KCNIP4: variants seen among roughly 807,000 people sequenced by gnomAD.
KCNIP4 encodes Kv channel-interacting protein 4.
In KCNIP4, 12 loss-of-function variants were observed where a neutral mutation model predicts 34.0. That is an observed-to-expected ratio of 0.35 (90% CI 0.23 to 0.57). The LOEUF is 0.57. Among genes scored for constraint, KCNIP4 ranks in the 20% least tolerant of loss-of-function variants. The pLI, the probability that KCNIP4 is intolerant of heterozygous loss-of-function variation, is 0.83. For synonymous variants in KCNIP4, 124 were observed against 102.2 expected (o/e 1.21, Z -1.29); for missense variants, 238 against 311.7 (o/e 0.76, Z 1.78).
At chr4:21,074,234 C>G (rs1046637451) in intron 1 of KCNIP4, among the ~76,000 whole-genome samples, 2 of 152,118 alleles carry the variant, frequency 1.3e-5, no homozygotes, top group Non-Finnish European at 2.9e-5. Context: ...CCTTGTACCT[C>G]TGGTAGAAAT....
intron 1 of KCNIP4, among the ~76,000 whole-genome samples, chr4:21,782,045 AG>A (rs1719606318): frequency 9.1e-5 from 2 of 21,978 alleles, no homozygotes; most frequent in Non-Finnish European, 4.1e-4. Context: ...AATGAAAAGG[AG>A]AGAGAGAAAA....
chr4:21,939,159 T>C (rs1313747029), intron 1 of KCNIP4, among the ~76,000 whole-genome samples: 2 of 152,186 alleles, frequency 1.3e-5, no homozygotes, highest in African/African-American at 4.8e-5. Context: ...TTTTACAGTT[T>C]AATCTTCCCA....
At chr4:20,908,235 G>C (rs1178338689) in intron 1 of KCNIP4, among the ~76,000 whole-genome samples, 1 of 151,888 alleles carries the variant, frequency 6.6e-6, no homozygotes, top group Non-Finnish European at 1.5e-5. Context: ...GAGTAGCTGC[G>C]ATTACAGGTG....
At chr4:21,408,087 G>T (rs181755596) in intron 1 of KCNIP4, among the ~76,000 whole-genome samples, 1 of 152,116 alleles carries the variant, frequency 6.6e-6, no homozygotes, top group African/African-American at 2.4e-5. Flanking sequence ...AAACGAAGCC[G>T]GTAGACATTG....
rs71655634 is a variant in KCNIP4, at chr4:21,432,091, CATATATATATATATATATATATATATAT to C, written c.61+516452_61+516479del. Among the ~76,000 whole-genome samples, 93 of 36,416 alleles carry C rather than the reference CATATATATATATATATATATATATATAT, an allele frequency of 2.6e-3. 6 individuals carry two copies. The highest frequency in any genetic ancestry group is 5.7e-3 in the African/African-American group (77 of 13,586). 23.9% of individuals were successfully genotyped at this position (36,416 alleles called of 152,430 possible). ...TGTATTCAATGTGTGAAAATGGAAG[CATATATATATATATATATATATATATAT>C]ATATATATATATATATATACAATCT... is the stretch of plus-strand genomic sequence containing the variant. On this transcript the variant is annotated intron_variant, in intron 1 of 8. Transcript: ENST00000382152.
At chr4:21,740,494 A>G (rs2109127402) in intron 1 of KCNIP4, among the ~76,000 whole-genome samples, 1 of 152,212 alleles carries the variant, frequency 6.6e-6, no homozygotes, top group African/African-American at 2.4e-5. Context: ...TATATATAGA[A>G]TATTCAGTGG....
intron 1 of KCNIP4, among the ~76,000 whole-genome samples, chr4:21,013,032 G>A (rs562292069): frequency 3.9e-5 from 6 of 152,288 alleles, no homozygotes; most frequent in Admixed American, 6.5e-5. Flanking sequence ...TTCTCACTGC[G>A]AAGCTGAGAA....
Position 20,768,483 on chromosome 4 carries a change from G to A in KCNIP4, c.289-9593C>T, listed in dbSNP as rs1755608073. ...TAAAAAGCTCATTTAAAAATTATAG[G>A]ATTAACCTTTCAGTTTTCAAAGCAG... On this transcript the variant is annotated intron_variant, in intron 3 of 8. Transcript: ENST00000382152. Among the ~76,000 whole-genome samples, 3 of 152,124 alleles carry A rather than the reference G, an allele frequency of 2.0e-5. 1 individual carries two copies. In the South Asian group the frequency reaches 6.2e-4, roughly 32 times the overall value.
chr4:21,932,268 G>A (rs946370999), intron 1 of KCNIP4, among the ~76,000 whole-genome samples: 5 of 151,948 alleles, frequency 3.3e-5, no homozygotes, highest in East Asian at 1.9e-4. Context: ...TGAGAAACTC[G>A]GAAAACAGAA....
chr4:21,075,689 T>C (rs1745426255), intron 1 of KCNIP4, among the ~76,000 whole-genome samples: 1 of 152,212 alleles, frequency 6.6e-6, no homozygotes, highest in African/African-American at 2.4e-5. Flanking sequence ...ATTATGATGT[T>C]AGCTGGTTGT....
rs538298952 is a variant in KCNIP4 at position 21,399,695 on chromosome 4, C to G, written c.62-516986G>C. ...TTTTTGAGATGGAGTCTCACACTGT[C>G]GAACAGGCTGGAGTGCAGTGGCACG... is the stretch of plus-strand genomic sequence containing the variant. On this transcript the variant is annotated intron_variant, in intron 1 of 8. Coordinates refer to ENST00000382152, the MANE Select transcript of KCNIP4 (RefSeq NM_025221.6). Among the ~76,000 whole-genome samples the G allele has an allele frequency of 2.1e-4, 31 of 150,484 alleles. No individual in the cohort carries two copies. In the South Asian group the frequency reaches 6.5e-3, roughly 32 times the overall value.
intron 1 of KCNIP4, among the ~76,000 whole-genome samples, chr4:21,435,801 C>T (rs934038969): frequency 1.3e-5 from 2 of 152,112 alleles, no homozygotes; most frequent in Non-Finnish European, 2.9e-5. Flanking sequence ...TTGCAGGCAC[C>T]TTGTTATCAA....
chr4:21,484,767 T>C (rs1256083091), intron 1 of KCNIP4, among the ~76,000 whole-genome samples: 1 of 152,160 alleles, frequency 6.6e-6, no homozygotes, highest in Non-Finnish European at 1.5e-5. Context: ...ACCTCTTTCT[T>C]CTCCAATGGC....
chr4:21,259,518 C>T (rs1761309192), intron 1 of KCNIP4, among the ~76,000 whole-genome samples: 1 of 152,114 alleles, frequency 6.6e-6, no homozygotes. Context: ...CTTTGTTTTT[C>T]ACCAGCTTCT....
intron 1 of KCNIP4, among the ~76,000 whole-genome samples, chr4:21,204,990 A>G (rs938192149): frequency 6.6e-6 from 1 of 152,232 alleles, no homozygotes; most frequent in African/African-American, 2.4e-5. Flanking sequence ...GTTATTTTTA[A>G]AAGTTCCACT....
rs76056199 is a variant in KCNIP4 at position 20,941,127 on chromosome 4, G to A, written c.62-58418C>T. Reference sequence around the variant, plus strand: ...GAGTTGACATGCACCTACTGGATAGGAAAGCCTAAAAGAACTAAACACATG... The same window carrying A: ...GAGTTGACATGCACCTACTGGATAGAAAAGCCTAAAAGAACTAAACACATG... On this transcript the variant is annotated intron_variant, in intron 1 of 8. Transcript: ENST00000382152. Among the ~76,000 whole-genome samples the A allele has an allele frequency of 6.5e-3, 987 of 152,276 alleles. 6 individuals carry two copies. The highest frequency in any genetic ancestry group is 0.022 in the African/African-American group (932 of 41,540).
chr4:21,595,580 C>T (rs866650194), intron 1 of KCNIP4, among the ~76,000 whole-genome samples: 10 of 152,124 alleles, frequency 6.6e-5, no homozygotes, highest in South Asian at 6.2e-4. Flanking sequence ...TCTTCCACAA[C>T]GCTTGAACTA....
At chr4:21,880,995 CTTTG>C (rs905312889) in intron 1 of KCNIP4, among the ~76,000 whole-genome samples, 3 of 152,104 alleles carry the variant, frequency 2.0e-5, no homozygotes, top group African/African-American at 7.2e-5. Flanking sequence ...ATACCTGCTT[CTTTG>C]TTTGGGAAGA....
chr4:21,196,834 TAA>T (rs1199998471), intron 1 of KCNIP4, among the ~76,000 whole-genome samples: 2 of 152,170 alleles, frequency 1.3e-5, no homozygotes, highest in Non-Finnish European at 2.9e-5. Flanking sequence ...ACATAAAACT[TAA>T]GTGTACACTC....
Sources: gnomAD v4.1 joint callset for allele counts (sites outside exome capture counted in the v4.1 genomes callset) on GRCh38, gnomAD v4.1.1 for gene constraint, MANE v1.5 for transcripts, NCBI Gene and HGNC (gene_info 2026-07-23, HGNC 2026-07-21) for gene names.